ATRX: variants seen among roughly 807,000 people sequenced by gnomAD.
ATRX encodes ATRX chromatin remodeler.
A neutral mutation model predicts 172.6 loss-of-function variants in ATRX; 12 were observed. The observed-to-expected ratio is 0.07, with a 90% CI of 0.04 to 0.11. ATRX has a LOEUF of 0.11. Ranked by LOEUF, ATRX falls within the 10% of genes least tolerant of loss-of-function variation. The pLI is 1.00. For synonymous variants in ATRX, 674 were observed against 594.7 expected (o/e 1.13, Z -1.94); for missense variants, 1,368 against 1,767.4 (o/e 0.77, Z 4.05).
At chrX:77,585,940 T>C (rs1280902203) in intron 27 of ATRX, among the ~76,000 whole-genome samples, 1 of 110,609 alleles carries the variant, frequency 9.0e-6, no homozygotes, top group Non-Finnish European at 1.9e-5. Context: ...AAAATAAAAA[T>C]AATTGAACTC....
chrX:77,521,194 C>G, intron 33 of ATRX: 1 of 437,897 alleles, frequency 2.3e-6, no homozygotes, highest in Non-Finnish European at 4.0e-6. Context: ...TTTGATTTCT[C>G]AATTCTTACA....
At chrX:77,726,717 G>A (rs2074059545) in intron 1 of ATRX, among the ~76,000 whole-genome samples, 1 of 110,680 alleles carries the variant, frequency 9.0e-6, no homozygotes, top group African/African-American at 3.3e-5. Flanking sequence ...CAGTCTATGA[G>A]ATCTGATCTG....
intron 14 of ATRX, 43 bp from the exon 15 acceptor site, chrX:77,652,396 T>C (rs1557117514): frequency 5.2e-6 from 6 of 1,159,641 alleles, no homozygotes; most frequent in East Asian, 3.0e-5. Flanking sequence ...ACAAAGTCAT[T>C]TAATTTATCC....
intron 1 of ATRX, among the ~76,000 whole-genome samples, chrX:77,720,740 C>T (rs1159776916): frequency 1.8e-5 from 2 of 111,739 alleles, no homozygotes; most frequent in African/African-American, 6.5e-5. Flanking sequence ...TGAATTCTAC[C>T]AGAGGTACAA....
At position 77,725,119 on chromosome X, in the gene ATRX, A is replaced by G. The variant is rs782390795; in HGVS notation, c.21-7876T>C. Among the ~76,000 whole-genome samples the G allele has an allele frequency of 1.3e-4, 14 of 111,964 alleles. No individual in the cohort carries two copies. The East Asian group carries it at 3.9e-3, about 31-fold the overall frequency. Reference sequence around the variant, plus strand: ...TACCTCACCATAGAGTCTAGATAAAAGTCCTTAAATACATCTTTTCAGAGT... The same window carrying G: ...TACCTCACCATAGAGTCTAGATAAAGGTCCTTAAATACATCTTTTCAGAGT... On this transcript the variant is annotated intron_variant, in intron 1 of 34. Coordinates refer to ENST00000373344, the MANE Select transcript of ATRX (RefSeq NM_000489.6).
At chrX:77,567,521 G>A (rs1451586226) in intron 28 of ATRX, among the ~76,000 whole-genome samples, 2 of 111,071 alleles carry the variant, frequency 1.8e-5, no homozygotes, top group Non-Finnish European at 3.8e-5. Flanking sequence ...CAGGGGCACA[G>A]CAATACTAAA....
rs183988248 is a variant in ATRX at position 77,724,398 on chromosome X, T to C, written c.21-7155A>G. 2.8e-5 allele frequency among the ~76,000 whole-genome samples: 3 copies of C among 105,729 alleles called. No individual in the cohort carries two copies. In the East Asian group the frequency reaches 8.9e-4, roughly 32 times the overall value. 91.8% of individuals were successfully genotyped at this position (105,729 alleles called of 115,157 possible). A position where few individuals can be genotyped will look rare whatever the true frequency, so the allele number is the denominator to read the frequency against. Reference sequence around the variant, plus strand: ...TTGAAAAAGAAAAAAAAAACTTCACTTTTTTTTTTCCTTTGGAGAGAGGGA... The same window carrying C: ...TTGAAAAAGAAAAAAAAAACTTCACCTTTTTTTTTCCTTTGGAGAGAGGGA... On this transcript the variant is annotated intron_variant, in intron 1 of 34. Transcript: ENST00000373344.
intron 7 of ATRX, among the ~76,000 whole-genome samples, chrX:77,687,841 G>A (rs1186347060): frequency 1.8e-5 from 2 of 112,055 alleles, no homozygotes; most frequent in African/African-American, 6.5e-5. Context: ...GCCTGCCACT[G>A]CATTTCAAAG....
In ATRX at chrX:77,530,831, A is replaced by G. The variant is rs782637820; in HGVS notation, c.6700-7430T>C. Among the ~76,000 whole-genome samples, 7 of 111,354 alleles carry G rather than the reference A, an allele frequency of 6.3e-5. No homozygotes were observed. The South Asian group carries it at 2.6e-3, about 42-fold the overall frequency. On this transcript the variant is annotated intron_variant, in intron 30 of 34. Coordinates refer to ENST00000373344, the MANE Select transcript of ATRX (RefSeq NM_000489.6). ...ACAAAAGAAATTCAACGAATCCAGG[A>G]AGTGGTTTCTTAAAAAAATTAATAA...
At chrX:77,764,709 G>A (rs1207371136) in intron 1 of ATRX, among the ~76,000 whole-genome samples, 1 of 111,744 alleles carries the variant, frequency 8.9e-6, no homozygotes, top group Non-Finnish European at 1.9e-5. Context: ...GTAAGCAGAA[G>A]GACTGTTCTT....
At chrX:77,611,065 T>C (rs186565508) in intron 22 of ATRX, among the ~76,000 whole-genome samples, 403 of 110,622 alleles carry the variant, frequency 3.6e-3, no homozygotes, top group African/African-American at 0.012. Flanking sequence ...GAAAGCAAGA[T>C]ATTAAATATT....
At chrX:77,681,351 G>A in intron 9 of ATRX, among the ~76,000 whole-genome samples, 169 bp downstream of exon 9, 1 of 111,807 alleles carries the variant, frequency 8.9e-6, no homozygotes, top group Non-Finnish European at 1.9e-5. Flanking sequence ...TCCAATGGCA[G>A]CATAAAAATA....
At chrX:77,608,685 T>G in intron 22 of ATRX, among the ~76,000 whole-genome samples, 1 of 111,995 alleles carries the variant, frequency 8.9e-6, no homozygotes, top group East Asian at 2.8e-4. Flanking sequence ...TGGGCAAAGA[T>G]TTGAGTAATA....
Position 77,683,925 on chromosome X carries a change from C to T in ATRX, c.1331G>A (p.Arg444Gln), listed in dbSNP as rs781932965. ...VIDAKFETKARKGEKPCALEK... is the reference protein window; with the variant it reads ...VIDAKFETKAQKGEKPCALEK... ...CAAAGCACAAGGTTTTTCTCCTTTTCGTGCTTTTGTTTCAAACTTAGCATC... is the reference window on the plus strand; with the variant it reads ...CAAAGCACAAGGTTTTTCTCCTTTTTGTGCTTTTGTTTCAAACTTAGCATC... The change falls in exon 9 of 35, where the codon CGA becomes CAA. Residue 444 changes from arginine (R) to glutamine (Q), a missense_variant. Coordinates refer to ENST00000373344, the MANE Select transcript of ATRX (RefSeq NM_000489.6). The T allele has an allele frequency of 2.5e-6, 3 of 1,208,146 alleles. No individual in the cohort carries two copies. Among genetic ancestry groups the T allele is most frequent in the Non-Finnish European group, 3.4e-6 (3 of 893,752 alleles).
chrX:77,732,013 A>G (rs781788465), intron 1 of ATRX, among the ~76,000 whole-genome samples: 1 of 112,097 alleles, frequency 8.9e-6, no homozygotes, highest in South Asian at 3.7e-4. Flanking sequence ...ACAAGGCAAG[A>G]GGCCAACTTG....
chrX:77,750,222 T>A (rs988970978), intron 1 of ATRX, among the ~76,000 whole-genome samples: 1 of 111,674 alleles, frequency 9.0e-6, no homozygotes, highest in African/African-American at 3.3e-5. Context: ...TAAATATGAG[T>A]GTACAGGAAA....
At chrX:77,648,624 G>GTT (rs137908641) in intron 15 of ATRX, among the ~76,000 whole-genome samples, 26 of 91,221 alleles carry the variant, frequency 2.9e-4, no homozygotes, top group South Asian at 1.6e-3. Context: ...CCAAAGCTGC[G>GTT]TTTTTTTTTT....
chrX:77,669,947 C>T (rs2070466028), intron 10 of ATRX, among the ~76,000 whole-genome samples: 1 of 111,499 alleles, frequency 9.0e-6, no homozygotes, highest in Non-Finnish European at 1.9e-5. Context: ...ATCCTCCCAC[C>T]TCAGCCTCCC....
rs184590521 is a variant in ATRX at position 77,668,217 on chromosome X, G to A, written c.3810-3439C>T. The stretch of plus-strand genomic sequence containing the variant: ...GTGTCCCATCTACAAAGCCTGCTGT[G>A]AGATGCTTTAAAGGGAAACTCCACT... On this transcript the variant is annotated intron_variant, in intron 10 of 34. Transcript: ENST00000373344. Among the ~76,000 whole-genome samples the A allele has an allele frequency of 3.5e-3, 390 of 111,220 alleles. 5 individuals are homozygous for A. The highest frequency in any genetic ancestry group is 0.012 in the African/African-American group (366 of 30,582).
Sources: allele counts gnomAD v4.1 joint callset (sites outside exome capture counted in the v4.1 genomes callset), GRCh38; gene constraint gnomAD v4.1.1; transcripts MANE v1.5; gene names NCBI Gene and HGNC (gene_info 2026-07-23, HGNC 2026-07-21).